Variants in USP32 observed in about 807,000 individuals in gnomAD.
The protein encoded by USP32 is ubiquitin specific peptidase 32.
A neutral mutation model predicts 204.8 loss-of-function variants in USP32; 59 were observed. The ratio of observed to expected loss-of-function variants is 0.29; its 90% CI spans 0.23 to 0.36. USP32 has a LOEUF of 0.36. Ranked by LOEUF, USP32 falls within the 10% of genes least tolerant of loss-of-function variation. USP32 has a pLI of 1.00. For synonymous variants in USP32, 517 were observed against 678.4 expected (o/e 0.76, Z 3.70); for missense variants, 1,160 against 1,946.4 (o/e 0.60, Z 7.60).
chr17:60,327,890 G>A (rs1344670830), intron 2 of USP32, among the ~76,000 whole-genome samples: 1 of 152,246 alleles, frequency 6.6e-6, no homozygotes, highest in African/African-American at 2.4e-5. Flanking sequence ...TGACGTGCTA[G>A]CTGCCTGCCA....
chr17:60,208,972 T>C, intron 22 of USP32, 144 bp from the exon 23 acceptor site: 1 of 866,246 alleles, frequency 1.2e-6, no homozygotes, highest in Non-Finnish European at 1.7e-6. Context: ...AATATTAAAT[T>C]GAGATGGAAA....
intron 1 of USP32, among the ~76,000 whole-genome samples, chr17:60,391,418 C>T (rs891352769): frequency 7.9e-5 from 12 of 152,198 alleles, no homozygotes; most frequent in African/African-American, 2.9e-4. Flanking sequence ...AAGGGGCTTC[C>T]AGTAGCAGAG....
intron 30 of USP32, among the ~76,000 whole-genome samples, chr17:60,185,182 G>C (rs1036213804): frequency 6.6e-6 from 1 of 152,166 alleles, no homozygotes; most frequent in African/African-American, 2.4e-5. Flanking sequence ...AATTCACCAC[G>C]TTGTACCCCT....
chr17:60,363,750 C>T lies in USP32; in HGVS notation c.59-18142G>A, dbSNP rs574103505. Among the ~76,000 whole-genome samples, 4 of 151,986 alleles carry T rather than the reference C, an allele frequency of 2.6e-5. No homozygotes were observed. The South Asian group carries it at 8.3e-4, about 32-fold the overall frequency. ...CTGGGCTCAAGCAATCCTCCCACCT[C>T]AGCCTCCCAAAATGCTGAGATTATA... On this transcript the variant is annotated intron_variant, in intron 1 of 33. Coordinates refer to ENST00000300896, the MANE Select transcript of USP32 (RefSeq NM_032582.4).
Position 60,177,457 on chromosome 17 carries a change from A to T in USP32, c.*1798T>A, listed in dbSNP as rs532970943. ...AATGTAGTTAATAGTTAATTTAATAAATTTTCTGCTAGTTCATGAATTAAA... is the reference window on the plus strand; with the variant it reads ...AATGTAGTTAATAGTTAATTTAATATATTTTCTGCTAGTTCATGAATTAAA... On this transcript the variant is annotated 3_prime_UTR_variant, in exon 34 of 34. Transcript: ENST00000300896. Among the ~76,000 whole-genome samples the T allele has an allele frequency of 6.6e-6, 1 of 152,232 alleles. No homozygotes were observed. The highest frequency in any genetic ancestry group is 1.5e-5 in the Non-Finnish European group (1 of 68,046).
At chr17:60,300,606 A>C (rs1332559328) in intron 3 of USP32, among the ~76,000 whole-genome samples, 1 of 152,264 alleles carries the variant, frequency 6.6e-6, no homozygotes, top group African/African-American at 2.4e-5. Flanking sequence ...TTATCAGGTA[A>C]GTAAACTTTG....
intron 12 of USP32, among the ~76,000 whole-genome samples, chr17:60,235,482 C>G (rs959937089): frequency 6.6e-6 from 1 of 152,004 alleles, no homozygotes; most frequent in Non-Finnish European, 1.5e-5. Context: ...ATGTAACTAC[C>G]AATATTCTGA....
At chr17:60,403,063 G>C (rs188646240) in intron 1 of USP32, among the ~76,000 whole-genome samples, 1 of 152,194 alleles carries the variant, frequency 6.6e-6, no homozygotes, top group East Asian at 1.9e-4. Context: ...CCAGGCTGGA[G>C]TGCAGTGTCA....
At chr17:60,316,370 G>A (rs576244985) in intron 2 of USP32, among the ~76,000 whole-genome samples, 1 of 152,234 alleles carries the variant, frequency 6.6e-6, no homozygotes, top group East Asian at 1.9e-4. Flanking sequence ...ATGGGGAACG[G>A]AAATCAGGTA....
chr17:60,264,247 C>G (rs904059289), intron 9 of USP32, among the ~76,000 whole-genome samples: 52 of 151,588 alleles, frequency 3.4e-4, no homozygotes, highest in African/African-American at 1.2e-3. Flanking sequence ...TAGGCCAGCA[C>G]AGTGGCTCAT....
chr17:60,185,482 A>G lies in USP32; in HGVS notation c.3812T>C (p.Leu1271Pro). ...TACCAGGATGGGTGGAAGCCTCCAG[A>G]GATCCAGCTTCTTTGTTGCTAAGCA... ...THCLATKKLD[L>P]WRLPPILIIH... Residue 1271 changes from leucine to proline, a missense_variant, in exon 30 of 34, where the codon CTC becomes CCC. Physicochemically the swap from Leu to Pro is moderately conservative, Grantham distance 98. Coordinates refer to ENST00000300896, the MANE Select transcript of USP32 (RefSeq NM_032582.4). 1 of 1,609,234 alleles carries G rather than the reference A, an allele frequency of 6.2e-7. No homozygotes were observed.
intron 26 of USP32, among the ~76,000 whole-genome samples, chr17:60,201,083 C>T (rs1023728599): frequency 1.3e-5 from 2 of 152,090 alleles, no homozygotes; most frequent in Non-Finnish European, 2.9e-5. Flanking sequence ...GTCTTAAACT[C>T]CTGGGCTCAA....
chr17:60,343,650 C>T (rs951480268), intron 2 of USP32, among the ~76,000 whole-genome samples: 16 of 152,322 alleles, frequency 1.1e-4, no homozygotes, highest in Non-Finnish European at 2.2e-4. Context: ...ACATTTAAAG[C>T]AGTGTGTAGA....
chr17:60,273,463 C>A (rs971135831), intron 5 of USP32, among the ~76,000 whole-genome samples: 1 of 152,114 alleles, frequency 6.6e-6, no homozygotes. Context: ...CTAAACTTGT[C>A]CCAACAAAGC....
intron 30 of USP32, 69 bp from the exon 31 acceptor site, chr17:60,183,522 A>G: frequency 6.7e-7 from 1 of 1,499,646 alleles, no homozygotes; most frequent in Non-Finnish European, 8.9e-7. Flanking sequence ...CATGGAAAAA[A>G]CAAGTCAAAT....
intron 9 of USP32, among the ~76,000 whole-genome samples, chr17:60,260,785 T>C (rs1282241194): frequency 1.3e-5 from 2 of 152,098 alleles, no homozygotes; most frequent in African/African-American, 4.8e-5. Context: ...TTTTTAAATA[T>C]AGAACACACA....
intron 2 of USP32, among the ~76,000 whole-genome samples, chr17:60,341,770 C>T (rs2088663759): frequency 6.6e-6 from 1 of 152,152 alleles, no homozygotes; most frequent in South Asian, 2.1e-4. Context: ...TTAGGGTCTT[C>T]TCTACACTGT....
At chr17:60,322,174 AC>A (rs1257884217) in intron 2 of USP32, among the ~76,000 whole-genome samples, 1 of 151,940 alleles carries the variant, frequency 6.6e-6, no homozygotes, top group Non-Finnish European at 1.5e-5. Flanking sequence ...TATAGGCCAA[AC>A]TTTTTTTTAA....
At chr17:60,395,554 G>T (rs1159788542), upstream of USP32, among the ~76,000 whole-genome samples, 1 of 152,182 alleles carries the variant, frequency 6.6e-6, no homozygotes, top group Non-Finnish European at 1.5e-5. Flanking sequence ...AAAGTCTGAA[G>T]TCTGCTTGTC....
Sources: gnomAD v4.1 joint callset for allele counts (sites outside exome capture counted in the v4.1 genomes callset) on GRCh38, gnomAD v4.1.1 for gene constraint, MANE v1.5 for transcripts, NCBI Gene and HGNC (gene_info 2026-07-23, HGNC 2026-07-21) for gene names.